The following FXN variants were observed in gnomAD, a reference collection of about 807,000 sequenced individuals.
FXN encodes frataxin, also known as frataxin, mitochondrial.
In FXN, 14 loss-of-function variants were observed where a neutral mutation model predicts 22.4. That is an observed-to-expected ratio of 0.62 (90% CI 0.41 to 0.98). FXN has a LOEUF of 0.98. Among genes scored for constraint, FXN ranks in the 50% least tolerant of loss-of-function variants. The pLI, the probability that FXN is intolerant of heterozygous loss-of-function variation, is 0.00. For synonymous variants in FXN, 120 were observed against 114.1 expected, an observed-to-expected ratio of 1.05 and a Z score of -0.33; for missense variants, 267 against 268.4, an observed-to-expected ratio of 0.99 and a Z score of 0.04.
chr9:69,037,211 G>C (rs1013351324), intron 1 of FXN, among the ~76,000 whole-genome samples: 6 of 148,936 alleles, frequency 4.0e-5, no homozygotes, highest in Non-Finnish European at 7.4e-5. Context: ...ATCACCTGAG[G>C]TCCGGAGTTC....
At chr9:69,059,718 A>G (rs1386559677) in intron 3 of FXN, among the ~76,000 whole-genome samples, 2 of 151,938 alleles carry the variant, frequency 1.3e-5, no homozygotes, top group African/African-American at 2.4e-5. Context: ...GTGAGGCACC[A>G]TCTCATTGGA....
intron 1 of FXN, among the ~76,000 whole-genome samples, chr9:69,044,149 T>G (rs1831705705): frequency 6.6e-6 from 1 of 152,198 alleles, no homozygotes; most frequent in African/African-American, 2.4e-5. Context: ...AGCCTTGTAT[T>G]TCTCCTATAA....
rs1282123104 is a variant in FXN at position 69,073,836 on chromosome 9, A to G, written c.*1074A>G. 1 of 985,356 alleles carries G rather than the reference A, an allele frequency of 1.0e-6. No homozygotes were observed. The highest frequency in any genetic ancestry group is 1.2e-6 in the Non-Finnish European group (1 of 829,884). 61.0% of individuals were successfully genotyped at this position (985,356 alleles called of 1,614,324 possible). A position where few individuals can be genotyped will look rare whatever the true frequency, so the allele number is the denominator to read the frequency against. ...GAACAGTTTTTAAGCTATATAGGAA[A>G]CATTGTTATTGGTGTTGCCCTATCG... On this transcript the variant is annotated 3_prime_UTR_variant, in exon 5 of 5. Transcript: ENST00000484259.
In FXN at chr9:69,078,212, G is replaced by C. The variant is rs7866579; in HGVS notation, c.*5450G>C. The stretch of plus-strand genomic sequence containing the variant: ...CTGCACATCTCCAGGTGCCACTGTT[G>C]ACAGAGATTATAACTACAATGTGAA... On this transcript the variant is annotated 3_prime_UTR_variant, in exon 5 of 5. Transcript: ENST00000484259. 983,631 of 985,062 alleles carry C rather than the reference G, an allele frequency of 1. 491,114 individuals carry two copies. Among genetic ancestry groups the C allele is most frequent in the East Asian group, 1 (8,812 of 8,812 alleles). 61.0% of individuals were successfully genotyped at this position (985,062 alleles called of 1,614,324 possible).
At chr9:69,045,730 A>T (rs1831740829) in intron 1 of FXN, among the ~76,000 whole-genome samples, 1 of 152,200 alleles carries the variant, frequency 6.6e-6, no homozygotes, top group East Asian at 1.9e-4. Flanking sequence ...TTACTCCGAA[A>T]CTAGCTTGGG....
chr9:69,068,070 G>A (rs889921319), intron 4 of FXN, among the ~76,000 whole-genome samples: 4 of 152,218 alleles, frequency 2.6e-5, no homozygotes, highest in African/African-American at 7.2e-5. Flanking sequence ...ACTCTTTGTA[G>A]GTGGGACCGG....
Position 69,073,540 on chromosome 9 carries a change from C to T in FXN, c.*778C>T, listed in dbSNP as rs1832312309. The T allele has an allele frequency of 1.0e-6, 1 of 985,370 alleles. No individual in the cohort carries two copies. The highest frequency in any genetic ancestry group is 1.7e-5 in the African/African-American group (1 of 57,328). The allele number at this position is 985,370 out of a possible 1,614,324, so 61.0% of individuals were successfully genotyped here. A position where few individuals can be genotyped will look rare whatever the true frequency, so the allele number is the denominator to read the frequency against. ...AGTGATGTAGCGTAACAAACAAAAT[C>T]ATGGAGCTGAGGAGGTGCCTTGTAA... On this transcript the variant is annotated 3_prime_UTR_variant, in exon 5 of 5. Coordinates refer to ENST00000484259, the MANE Select transcript of FXN (RefSeq NM_000144.5).
intron 1 of FXN, among the ~76,000 whole-genome samples, chr9:69,045,844 G>T (rs1423826888): frequency 4.7e-5 from 7 of 150,124 alleles, no homozygotes; most frequent in Non-Finnish European, 8.9e-5. Flanking sequence ...GCAAGGGCAA[G>T]TGGGGGGGTC....
At chr9:69,054,944 T>A (rs931707276) in intron 3 of FXN, among the ~76,000 whole-genome samples, 1 of 152,182 alleles carries the variant, frequency 6.6e-6, no homozygotes. Flanking sequence ...TATTGGAAAT[T>A]GCAGCGGGAG....
intron 4 of FXN, among the ~76,000 whole-genome samples, chr9:69,066,867 A>ATATAT (rs540231506): frequency 2.0e-4 from 22 of 110,210 alleles, no homozygotes; most frequent in Non-Finnish European, 3.5e-4. Context: ...TCAAAAAAAA[A>ATATAT]AAATATATAT....
intron 1 of FXN, among the ~76,000 whole-genome samples, chr9:69,044,522 A>C (rs1042764143): frequency 3.3e-5 from 5 of 152,094 alleles, no homozygotes; most frequent in African/African-American, 1.2e-4. Flanking sequence ...AGCAGTAACT[A>C]ACAGTCTCTC....
chr9:69,052,998 A>G, intron 2 of FXN, 142 bp from the exon 3 acceptor site: 1 of 965,016 alleles, frequency 1.0e-6, no homozygotes, highest in South Asian at 1.7e-5. Context: ...CTCAAAAAAA[A>G]AAAAAAAAGA....
intron 1 of FXN, among the ~76,000 whole-genome samples, chr9:69,040,150 G>C (rs1346819493): frequency 6.6e-6 from 1 of 152,130 alleles, no homozygotes; most frequent in Non-Finnish European, 1.5e-5. Flanking sequence ...ATAGCATGCT[G>C]TCTCTTAAAT....
At chr9:69,071,297 G>T (rs535697375) in intron 4 of FXN, 1 of 518,918 alleles carries the variant, frequency 1.9e-6, no homozygotes, top group South Asian at 1.4e-5. Flanking sequence ...CTGGGAACAG[G>T]TTCAAGCCCC....
intron 4 of FXN, 115 bp from the exon 5 acceptor site, chr9:69,072,497 T>C (rs1263532937): frequency 6.3e-7 from 1 of 1,588,332 alleles, no homozygotes; most frequent in African/African-American, 1.3e-5. Flanking sequence ...GCTCATTTTG[T>C]GTTATTTTCT....
At chr9:69,052,311 G>A (rs1018154571) in intron 2 of FXN, among the ~76,000 whole-genome samples, 2 of 151,958 alleles carry the variant, frequency 1.3e-5, no homozygotes, top group Non-Finnish European at 2.9e-5. Context: ...TGCACCACAA[G>A]CCCAGCTAAT....
intron 1 of FXN, among the ~76,000 whole-genome samples, chr9:69,036,612 G>T (rs905451121): frequency 6.6e-6 from 1 of 152,216 alleles, no homozygotes; most frequent in Admixed American, 6.5e-5. Context: ...TCTCTGAGAC[G>T]TGGCTTTGTT....
At chr9:69,037,763 C>T (rs1564327704) in intron 1 of FXN, among the ~76,000 whole-genome samples, 3 of 152,184 alleles carry the variant, frequency 2.0e-5, no homozygotes, top group African/African-American at 4.8e-5. Context: ...ACCTCTGCCT[C>T]CTGGGTTCAA....
At position 69,074,439 on chromosome 9, in the gene FXN, C is replaced by T. The variant is rs116944579; in HGVS notation, c.*1677C>T. 7.4e-4 allele frequency: 723 copies of T among 978,308 alleles called. 23 individuals are homozygous for T. In the East Asian group the frequency reaches 0.064, roughly 87 times the overall value. The allele number at this position is 978,308 out of a possible 1,614,324, so 60.6% of individuals were successfully genotyped here. A position where few individuals can be genotyped will look rare whatever the true frequency, so the allele number is the denominator to read the frequency against. On this transcript the variant is annotated 3_prime_UTR_variant, in exon 5 of 5. Transcript: ENST00000484259. Reference sequence around the variant, plus strand: ...ATCCCAGGTACTCAGGAGGCTGAGACGGGAGAATTGCTTGACCCCAGGCGG... The same window carrying T: ...ATCCCAGGTACTCAGGAGGCTGAGATGGGAGAATTGCTTGACCCCAGGCGG...
Sources: gnomAD v4.1 joint callset for allele counts (sites outside exome capture counted in the v4.1 genomes callset) on GRCh38, gnomAD v4.1.1 for gene constraint, MANE v1.5 for transcripts, NCBI Gene and HGNC (gene_info 2026-07-23, HGNC 2026-07-21) for gene names.